The following DPT variants were observed in gnomAD, a reference collection of about 807,000 sequenced individuals.
DPT encodes the protein dermatopontin.
Under a neutral mutation model 31.2 loss-of-function variants are expected in DPT, and 21 were observed. That is an observed-to-expected ratio of 0.67 (90% CI 0.48 to 0.97). The LOEUF (loss-of-function observed/expected upper bound fraction) is 0.97, where lower values mean the gene tolerates loss of function less well. Ranked by LOEUF, DPT falls within the 50% of genes least tolerant of loss-of-function variation. The pLI, the probability that DPT is intolerant of heterozygous loss-of-function variation, is 0.00. For synonymous variants in DPT, 91 were observed against 86.9 expected (o/e 1.05, Z -0.26); for missense variants, 262 against 258.8 (o/e 1.01, Z -0.08).
At chr1:168,726,539 C>A (rs1292954361) in intron 1 of DPT, among the ~76,000 whole-genome samples, 2 of 152,178 alleles carry the variant, frequency 1.3e-5, no homozygotes, top group East Asian at 1.9e-4. Flanking sequence ...GAGGGCTGAG[C>A]GTCTGGGCCA....
intron 1 of DPT, among the ~76,000 whole-genome samples, chr1:168,723,853 A>G (rs1204989381): frequency 6.6e-6 from 1 of 152,100 alleles, no homozygotes; most frequent in East Asian, 1.9e-4. Flanking sequence ...TTTTGAAGTA[A>G]TTTCAGATTT....
At chr1:168,713,933 T>C (rs1310869711) in intron 2 of DPT, among the ~76,000 whole-genome samples, 1 of 152,092 alleles carries the variant, frequency 6.6e-6, no homozygotes, top group Non-Finnish European at 1.5e-5. Flanking sequence ...AGGCCTAAGC[T>C]TAAGACTTGG....
chr1:168,696,732 T>G (rs895734405), intron 3 of DPT, 117 bp from the exon 4 acceptor site: 5 of 885,166 alleles, frequency 5.6e-6, no homozygotes, highest in Non-Finnish European at 5.3e-6. Context: ...GAAGGGACAC[T>G]TAATCTCACT....
At chr1:168,708,371 C>CTGCTGTCTGCACAATTG (rs1156583386) in intron 2 of DPT, among the ~76,000 whole-genome samples, 3 of 152,226 alleles carry the variant, frequency 2.0e-5, no homozygotes, top group African/African-American at 7.2e-5. Context: ...TTCAGAGAGG[C>CTGCTGTCTGCACAATTG]TGCTGTCTGC....
chr1:168,728,951 T>C lies in DPT; in HGVS notation c.224A>G (p.Tyr75Cys). Reference protein sequence around the residue: ...KKEGSDRQWNYACMPTPQSLG... With the variant: ...KKEGSDRQWNCACMPTPQSLG... ...GCTCTGTGGCGTGGGCATGCAGGCG[T>C]AGTTCCATTGTCTGTCAGAACCTTC... Residue 75 changes from tyrosine (Y) to cysteine (C), a missense_variant, in exon 1 of 4, where the codon TAC becomes TGC. Transcript: ENST00000367817. The C allele has an allele frequency of 6.2e-7, 1 of 1,614,200 alleles. No homozygotes were observed. Among genetic ancestry groups the C allele is most frequent in the Non-Finnish European group, 8.5e-7 (1 of 1,180,032 alleles).
At chr1:168,708,069 C>T (rs1040470374) in intron 2 of DPT, among the ~76,000 whole-genome samples, 2 of 152,118 alleles carry the variant, frequency 1.3e-5, no homozygotes, top group African/African-American at 4.8e-5. Context: ...TGAATATCCT[C>T]CTGTTTACTT....
intron 1 of DPT, among the ~76,000 whole-genome samples, chr1:168,720,193 C>T (rs941122975): frequency 5.3e-5 from 8 of 152,058 alleles, no homozygotes; most frequent in East Asian, 1.9e-4. Context: ...ACAAAACTCT[C>T]GGCCAAGAGA....
At chr1:168,717,542 A>G (rs1332339567) in intron 1 of DPT, among the ~76,000 whole-genome samples, 2 of 152,182 alleles carry the variant, frequency 1.3e-5, no homozygotes, top group African/African-American at 4.8e-5. Context: ...TTTGGTATGC[A>G]CATGCTCTTT....
At chr1:168,703,906 G>A (rs932228124) in intron 2 of DPT, among the ~76,000 whole-genome samples, 7 of 152,328 alleles carry the variant, frequency 4.6e-5, no homozygotes, top group Middle Eastern at 6.8e-3. Context: ...TGCATTTAGC[G>A]CTTGATGACA....
intron 2 of DPT, among the ~76,000 whole-genome samples, chr1:168,702,680 C>T (rs1219588802): frequency 2.1e-5 from 3 of 146,144 alleles, no homozygotes; most frequent in South Asian, 2.2e-4. Context: ...GGTGCAATCT[C>T]GGCTCACTGC....
intron 2 of DPT, among the ~76,000 whole-genome samples, chr1:168,712,090 T>C (rs1649879892): frequency 6.6e-6 from 1 of 152,192 alleles, no homozygotes; most frequent in Non-Finnish European, 1.5e-5. Context: ...GACACTATGT[T>C]CCAAGCACTA....
intron 2 of DPT, among the ~76,000 whole-genome samples, chr1:168,708,961 A>G (rs1341055716): frequency 6.6e-6 from 1 of 152,236 alleles, no homozygotes; most frequent in Non-Finnish European, 1.5e-5. Context: ...AACTAGAGCT[A>G]TACAGGAATT....
chr1:168,722,796 T>C (rs1650153851), intron 1 of DPT, among the ~76,000 whole-genome samples: 1 of 152,040 alleles, frequency 6.6e-6, no homozygotes, highest in Admixed American at 6.6e-5. Context: ...TTTTGAGAAT[T>C]GTTCTGACTC....
At chr1:168,700,928 T>TG in intron 3 of DPT, 89 bp downstream of exon 3, 2 of 792,660 alleles carry the variant, frequency 2.5e-6, no homozygotes, top group African/African-American at 3.4e-5. Flanking sequence ...TGTGTGTGTG[T>TG]TTATAAATTC....
Position 168,695,510 on chromosome 1 carries a change from C to A in DPT, c.*1039G>T, listed in dbSNP as rs1366026788. 6.6e-6 allele frequency: 1 copy of A among 152,134 alleles called. No individual in the cohort carries two copies. Among genetic ancestry groups the A allele is most frequent in the Non-Finnish European group, 1.5e-5 (1 of 68,052 alleles). The allele number at this position is 152,134 out of a possible 1,614,324, so 9.4% of individuals were successfully genotyped here. ...TTTATTTCTTTTGTAATGAAGAGTA[C>A]AAATGGTTGGGAGCAGGACATCACA... is the stretch of plus-strand genomic sequence containing the variant. On this transcript the variant is annotated 3_prime_UTR_variant, in exon 4 of 4. Coordinates refer to ENST00000367817, the MANE Select transcript of DPT (RefSeq NM_001937.5).
chr1:168,713,523 A>G (rs7548427), intron 2 of DPT, among the ~76,000 whole-genome samples: 10,142 of 152,100 alleles, frequency 0.067, 1,114 homozygotes, highest in African/African-American at 0.23. Context: ...TGCCTGGCTC[A>G]TTTTCAGATT....
chr1:168,726,557 A>G (rs373308400), intron 1 of DPT, among the ~76,000 whole-genome samples: 1 of 152,224 alleles, frequency 6.6e-6, no homozygotes. Flanking sequence ...CCAAGGTCAC[A>G]CCACAAGTCA....
intron 1 of DPT, among the ~76,000 whole-genome samples, chr1:168,715,224 G>C (rs1012318988): frequency 2.6e-5 from 4 of 152,178 alleles, no homozygotes; most frequent in African/African-American, 9.7e-5. Context: ...GGTCTTCACA[G>C]CACCTTTTGA....
At chr1:168,721,399 T>G (rs1376271747) in intron 1 of DPT, among the ~76,000 whole-genome samples, 3 of 152,170 alleles carry the variant, frequency 2.0e-5, no homozygotes, top group Non-Finnish European at 2.9e-5. Context: ...GCACAACGTA[T>G]ATAATTGAAA....
Sources: gnomAD v4.1 joint callset for allele counts (sites outside exome capture counted in the v4.1 genomes callset) on GRCh38, gnomAD v4.1.1 for gene constraint, MANE v1.5 for transcripts, NCBI Gene and HGNC (gene_info 2026-07-23, HGNC 2026-07-21) for gene names.